The following XRCC6 variants were observed in gnomAD, a reference collection of about 807,000 sequenced individuals.
The protein encoded by XRCC6 is DNA repair protein Ku70.
XRCC6 carries 5 observed loss-of-function variants against 65.7 expected under a neutral mutation model. The observed-to-expected ratio is 0.08, with a 90% CI of 0.04 to 0.16. The LOEUF (loss-of-function observed/expected upper bound fraction) is 0.16, where lower values mean the gene tolerates loss of function less well. Ranked by LOEUF, XRCC6 falls within the 10% of genes least tolerant of loss-of-function variation. XRCC6 has a pLI of 1.00. For missense variants in XRCC6, 447 were observed against 738.1 expected (o/e 0.61, Z 4.57); for synonymous variants, 270 against 270.6 (o/e 1.00, Z 0.02).
chr22:41,654,729 C>T (rs2068029549), intron 9 of XRCC6, among the ~76,000 whole-genome samples: 1 of 152,140 alleles, frequency 6.6e-6, no homozygotes, highest in African/African-American at 2.4e-5. Flanking sequence ...GAGAAGGCCC[C>T]CATGGAGCTG....
At chr22:41,622,992 T>A (rs1261969403) in intron 2 of XRCC6, among the ~76,000 whole-genome samples, 2 of 151,700 alleles carry the variant, frequency 1.3e-5, no homozygotes, top group African/African-American at 4.8e-5. Context: ...AAGAAAAAAA[T>A]TTGCTATAAT....
At chr22:41,629,908 C>T (rs1266404506) in intron 3 of XRCC6, among the ~76,000 whole-genome samples, 3 of 151,174 alleles carry the variant, frequency 2.0e-5, no homozygotes, top group East Asian at 1.9e-4. Flanking sequence ...TGAAGTGATC[C>T]GCCTGCCTCG....
chr22:41,636,318 A>G, intron 4 of XRCC6, 67 bp downstream of exon 4: 1 of 1,530,970 alleles, frequency 6.5e-7, no homozygotes, highest in South Asian at 1.3e-5. Flanking sequence ...ATCAAAGAGG[A>G]CTGTGGAGAA....
intron 2 of XRCC6, among the ~76,000 whole-genome samples, chr22:41,624,245 GTC>G (rs2067643809): frequency 6.6e-6 from 1 of 152,078 alleles, no homozygotes; most frequent in Non-Finnish European, 1.5e-5. Flanking sequence ...AGTTAGCTGA[GTC>G]TGTGGTGGCA....
intron 11 of XRCC6, among the ~76,000 whole-genome samples, chr22:41,660,872 T>C (rs2068093007): frequency 6.6e-6 from 1 of 152,130 alleles, no homozygotes; most frequent in South Asian, 2.1e-4. Context: ...CACTGCCCTT[T>C]GGGAAAGTCA....
chr22:41,640,086 A>G (rs572661118), intron 6 of XRCC6, among the ~76,000 whole-genome samples: 30 of 151,834 alleles, frequency 2.0e-4, no homozygotes, highest in Non-Finnish European at 2.9e-4. Context: ...CTGGAGTACA[A>G]TGGCACCACA....
chr22:41,645,993 A>G (rs2067928157), intron 6 of XRCC6, among the ~76,000 whole-genome samples: 1 of 151,952 alleles, frequency 6.6e-6, no homozygotes, highest in Admixed American at 6.6e-5. Flanking sequence ...TCAAAGCAGG[A>G]GGAAGGGATC....
intron 3 of XRCC6, among the ~76,000 whole-genome samples, chr22:41,631,605 G>A (rs1224080597): frequency 1.5e-5 from 2 of 131,338 alleles, no homozygotes; most frequent in African/African-American, 6.2e-5. Context: ...CTTCCTAGAT[G>A]GGATGGCGGC....
intron 7 of XRCC6, among the ~76,000 whole-genome samples, chr22:41,647,922 G>C (rs2067950909): frequency 6.6e-6 from 1 of 151,770 alleles, no homozygotes; most frequent in South Asian, 2.1e-4. Context: ...TAACTAGGAG[G>C]AGAGACATTG....
chr22:41,623,980 C>T (rs1028628107), intron 2 of XRCC6, among the ~76,000 whole-genome samples: 7 of 152,146 alleles, frequency 4.6e-5, no homozygotes, highest in African/African-American at 1.7e-4. Context: ...ACCTCGGCCT[C>T]CCAAAGTGCT....
In XRCC6 at chr22:41,647,733, C is replaced by T. The variant is rs539498247; in HGVS notation, c.960+651C>T. Among the ~76,000 whole-genome samples, 42 of 151,886 alleles carry T rather than the reference C, an allele frequency of 2.8e-4. No individual in the cohort carries two copies. In the East Asian group the frequency reaches 3.5e-3, roughly 13 times the overall value. ...CACTGTGCCCAGCGTTTTTTTGTTT[C>T]GTTTTGTTTTGTTTTGTTTAATAGA... On this transcript the variant is annotated intron_variant, in intron 7 of 12. Coordinates refer to ENST00000360079, the MANE Select transcript of XRCC6 (RefSeq NM_001469.5).
intron 12 of XRCC6, 137 bp from the exon 13 acceptor site, chr22:41,663,485 C>A: frequency 1.1e-6 from 1 of 928,532 alleles, no homozygotes; most frequent in East Asian, 2.4e-5. Context: ...ATAAGTCTTC[C>A]CCATGGTGTC....
chr22:41,663,456 A>G (rs1431301054), intron 12 of XRCC6, among the ~76,000 whole-genome samples, 166 bp from the exon 13 acceptor site: 1 of 152,196 alleles, frequency 6.6e-6, no homozygotes, highest in Non-Finnish European at 1.5e-5. Context: ...TGCACTTTAA[A>G]TGAAGCTACC....
intron 5 of XRCC6, 47 bp from the exon 6 acceptor site, chr22:41,637,561 C>A: frequency 6.8e-7 from 1 of 1,464,322 alleles, no homozygotes; most frequent in South Asian, 1.4e-5. Flanking sequence ...TTCTCACTTG[C>A]TGAAAATTGT....
chr22:41,624,056 G>A (rs1601523660), intron 2 of XRCC6, among the ~76,000 whole-genome samples: 1 of 152,068 alleles, frequency 6.6e-6, no homozygotes, highest in African/African-American at 2.4e-5. Context: ...TAATTTGGCC[G>A]GGTGTGGTGG....
At chr22:41,644,008 G>T (rs1178922733) in intron 6 of XRCC6, among the ~76,000 whole-genome samples, 3 of 148,676 alleles carry the variant, frequency 2.0e-5, no homozygotes, top group East Asian at 2.0e-4. Context: ...TTAGCTGGGC[G>T]CAGTGGCATG....
chr22:41,656,813 A>G, intron 9 of XRCC6, 90 bp from the exon 10 acceptor site: 1 of 1,586,574 alleles, frequency 6.3e-7, no homozygotes, highest in Non-Finnish European at 8.6e-7. Context: ...CCCCAGCACC[A>G]CAGGACATAA....
Position 41,641,177 on chromosome 22 carries a change from A to G in XRCC6, c.773+3386A>G, listed in dbSNP as rs550232138. Among the ~76,000 whole-genome samples the G allele has an allele frequency of 5.3e-5, 8 of 152,310 alleles. No individual in the cohort carries two copies. The South Asian group carries it at 1.7e-3, about 32-fold the overall frequency. On this transcript the variant is annotated intron_variant, in intron 6 of 12. Transcript: ENST00000360079. ...TGCTTGGCCCGTGGTAATTATTTATAAATGTTAGCTGTTCTTATTTTGTGG... is the reference window on the plus strand; with the variant it reads ...TGCTTGGCCCGTGGTAATTATTTATGAATGTTAGCTGTTCTTATTTTGTGG...
intron 3 of XRCC6, among the ~76,000 whole-genome samples, chr22:41,632,159 GGGGAGAGGGATAGGGAGA>G (rs967940592): frequency 2.0e-5 from 3 of 151,248 alleles, no homozygotes; most frequent in African/African-American, 4.9e-5. Flanking sequence ...GGGAGACCGT[GGGGAGAGGGATAGGGAGA>G]GGGAGAGGGA....
Sources: gnomAD v4.1 joint callset for allele counts (sites outside exome capture counted in the v4.1 genomes callset) on GRCh38, gnomAD v4.1.1 for gene constraint, MANE v1.5 for transcripts, NCBI Gene and HGNC (gene_info 2026-07-23, HGNC 2026-07-21) for gene names.